Variants in BACH2 observed in about 807,000 individuals in gnomAD.
BACH2 encodes transcription regulator protein BACH2.
Under a neutral mutation model 61.8 loss-of-function variants are expected in BACH2, and 5 were observed. That is an observed-to-expected ratio of 0.08 (90% CI 0.04 to 0.17). The LOEUF is 0.17. Ranked by LOEUF, BACH2 falls within the 10% of genes least tolerant of loss-of-function variation. The probability of loss-of-function intolerance (pLI) is 1.00; values close to 1 mark genes in which losing one functional copy is unlikely to be tolerated. For synonymous variants in BACH2, 446 were observed against 440.1 expected, an observed-to-expected ratio of 1.01 and a Z score of -0.17; for missense variants, 824 against 1,091.1, an observed-to-expected ratio of 0.76 and a Z score of 3.45.
At chr6:90,072,634 T>C (rs537283189) in intron 5 of BACH2, among the ~76,000 whole-genome samples, 1 of 152,292 alleles carries the variant, frequency 6.6e-6, no homozygotes, top group East Asian at 1.9e-4. Context: ...AGCTTCTCAG[T>C]CATCCAACCC....
At chr6:90,019,186 C>T (rs750876429) in intron 5 of BACH2, among the ~76,000 whole-genome samples, 5 of 152,154 alleles carry the variant, frequency 3.3e-5, no homozygotes, top group Non-Finnish European at 5.9e-5. Flanking sequence ...TTCTAGGTCA[C>T]GGATGGTGTG....
chr6:90,015,057 C>T (rs1443427669), intron 5 of BACH2, among the ~76,000 whole-genome samples: 1 of 151,644 alleles, frequency 6.6e-6, no homozygotes, highest in Non-Finnish European at 1.5e-5. Context: ...ACTGGGATTA[C>T]AGGCGTGAGC....
intron 5 of BACH2, among the ~76,000 whole-genome samples, chr6:90,022,833 T>A (rs1295022345): frequency 1.3e-5 from 2 of 152,208 alleles, no homozygotes. Context: ...GTTGAAGATA[T>A]GCATAGATTA....
intron 4 of BACH2, among the ~76,000 whole-genome samples, chr6:90,128,697 C>A (rs1242308004): frequency 6.6e-6 from 1 of 152,184 alleles, no homozygotes; most frequent in Non-Finnish European, 1.5e-5. Context: ...TTTGACCCAG[C>A]AATCCCATTA....
At chr6:90,242,494 TC>T in intron 3 of BACH2, among the ~76,000 whole-genome samples, 1 of 152,200 alleles carries the variant, frequency 6.6e-6, no homozygotes, top group East Asian at 1.9e-4. Context: ...TAATGAAGGA[TC>T]CCTTAGTTGC....
At chr6:90,286,927 C>T (rs1052637957) in intron 1 of BACH2, among the ~76,000 whole-genome samples, 13 of 152,034 alleles carry the variant, frequency 8.6e-5, no homozygotes, top group Non-Finnish European at 1.6e-4. Flanking sequence ...AAGAAAGACA[C>T]GGAGGTATAA....
intron 4 of BACH2, among the ~76,000 whole-genome samples, chr6:90,093,494 G>T (rs2127809003): frequency 6.6e-6 from 1 of 152,316 alleles, no homozygotes; most frequent in Non-Finnish European, 1.5e-5. Context: ...GCCACATGAG[G>T]ATACTGAGCA....
chr6:90,295,686 G>C (rs1263989778), intron 1 of BACH2, among the ~76,000 whole-genome samples: 1 of 140,724 alleles, frequency 7.1e-6, no homozygotes, highest in Admixed American at 7.0e-5. Flanking sequence ...TGTGTGTGTT[G>C]CACCTTGACT....
At chr6:90,142,305 T>C (rs1784486719) in intron 4 of BACH2, among the ~76,000 whole-genome samples, 1 of 152,164 alleles carries the variant, frequency 6.6e-6, no homozygotes, top group Non-Finnish European at 1.5e-5. Context: ...ATCTCTGCCA[T>C]TGCATCACTT....
At chr6:90,282,432 G>A (rs942514498) in intron 1 of BACH2, among the ~76,000 whole-genome samples, 4 of 151,998 alleles carry the variant, frequency 2.6e-5, no homozygotes, top group Non-Finnish European at 5.9e-5. Context: ...GTGTTAGTCC[G>A]CTTAAGGATA....
At chr6:90,162,307 G>A (rs1196914550) in intron 4 of BACH2, among the ~76,000 whole-genome samples, 1 of 152,140 alleles carries the variant, frequency 6.6e-6, no homozygotes, top group Non-Finnish European at 1.5e-5. Flanking sequence ...AATTAAAATG[G>A]TGTGGGTTAA....
chr6:90,108,569 C>A (rs1043775506), intron 4 of BACH2, among the ~76,000 whole-genome samples: 2 of 152,046 alleles, frequency 1.3e-5, no homozygotes, highest in Non-Finnish European at 2.9e-5. Flanking sequence ...TCTTCCTTCC[C>A]AGCTTGGGAA....
chr6:89,980,609 C>CT, intron 6 of BACH2, among the ~76,000 whole-genome samples: 1 of 152,240 alleles, frequency 6.6e-6, no homozygotes, highest in East Asian at 1.9e-4. Flanking sequence ...AGGAGAAGGG[C>CT]TAGGTGTGGT....
intron 4 of BACH2, among the ~76,000 whole-genome samples, chr6:90,135,989 T>C (rs1482902312): frequency 6.6e-6 from 1 of 152,180 alleles, no homozygotes; most frequent in Non-Finnish European, 1.5e-5. Flanking sequence ...TCTTGGCTGC[T>C]TCTTGTTTTC....
At chr6:90,199,301 C>T (rs932440061) in intron 4 of BACH2, among the ~76,000 whole-genome samples, 3 of 152,094 alleles carry the variant, frequency 2.0e-5, no homozygotes, top group Admixed American at 1.3e-4. Flanking sequence ...ATGGGACTGA[C>T]GTAGAAGCAT....
chr6:90,087,859 G>A (rs1295625593), intron 5 of BACH2, among the ~76,000 whole-genome samples: 3 of 152,022 alleles, frequency 2.0e-5, no homozygotes, highest in African/African-American at 7.2e-5. Context: ...ACCCCCTCAA[G>A]CATTTATCCT....
intron 3 of BACH2, among the ~76,000 whole-genome samples, chr6:90,217,267 CAGA>C (rs984082538): frequency 2.0e-5 from 3 of 152,180 alleles, no homozygotes; most frequent in African/African-American, 7.2e-5. Context: ...TAGCTATTAA[CAGA>C]AGGAGTTTAT....
At chr6:90,085,940 A>C (rs1421871065) in intron 5 of BACH2, among the ~76,000 whole-genome samples, 1 of 152,182 alleles carries the variant, frequency 6.6e-6, no homozygotes. Flanking sequence ...GGAACTCTCC[A>C]ATCTTCCCAA....
At chr6:90,246,534 C>T (rs557592117) in intron 3 of BACH2, among the ~76,000 whole-genome samples, 7 of 152,186 alleles carry the variant, frequency 4.6e-5, no homozygotes, top group Admixed American at 2.6e-4. Context: ...AAGATACATA[C>T]ATTCACCCGA....
Sources: gnomAD v4.1 joint callset for allele counts (sites outside exome capture counted in the v4.1 genomes callset) on GRCh38, gnomAD v4.1.1 for gene constraint, MANE v1.5 for transcripts, NCBI Gene and HGNC (gene_info 2026-07-23, HGNC 2026-07-21) for gene names.